The following EIF2B3 variants were observed in gnomAD, a reference collection of about 807,000 sequenced individuals.
The protein encoded by EIF2B3 is eukaryotic translation initiation factor 2B subunit gamma, also known as translation initiation factor eIF2B subunit gamma.
Under a neutral mutation model 54.1 loss-of-function variants are expected in EIF2B3, and 20 were observed. The observed-to-expected ratio is 0.37, with a 90% CI of 0.26 to 0.54. EIF2B3 has a LOEUF of 0.54. Ranked by LOEUF, EIF2B3 falls within the 20% of genes least tolerant of loss-of-function variation. The pLI, the probability that EIF2B3 is intolerant of heterozygous loss-of-function variation, is 0.86. For missense variants in EIF2B3, 448 were observed against 547.8 expected (o/e 0.82, Z 1.82); for synonymous variants, 153 against 188.1 (o/e 0.81, Z 1.52).
chr1:44,910,730 C>T (rs1303153235), intron 5 of EIF2B3, among the ~76,000 whole-genome samples: 2 of 150,320 alleles, frequency 1.3e-5, no homozygotes, highest in Admixed American at 1.3e-4. Flanking sequence ...ATCCTTCCAC[C>T]TCAGCCTCCT....
At chr1:44,884,491 G>GT (rs1338024671) in intron 6 of EIF2B3, among the ~76,000 whole-genome samples, 6 of 152,192 alleles carry the variant, frequency 3.9e-5, no homozygotes, top group Non-Finnish European at 8.8e-5. Flanking sequence ...ACAGTTCATA[G>GT]TTTCTGCAAT....
chr1:44,928,019 G>A (rs1397792122), intron 4 of EIF2B3, among the ~76,000 whole-genome samples: 1 of 152,000 alleles, frequency 6.6e-6, no homozygotes, highest in East Asian at 1.9e-4. Flanking sequence ...AAAATTAGCT[G>A]GGCATGGTGG....
rs370216591 is a variant in EIF2B3 at position 44,965,308 on chromosome 1, G to C, written c.294+13007C>G. Among the ~76,000 whole-genome samples the C allele has an allele frequency of 3.2e-4, 48 of 152,232 alleles. 1 individual carries two copies. The highest frequency in any genetic ancestry group is 1.2e-3 in the African/African-American group (48 of 41,536). ...AACCACTGAATTGTACACTTTAAAAGAGTTCTATACATACATACAACTATC... is the reference window on the plus strand; with the variant it reads ...AACCACTGAATTGTACACTTTAAAACAGTTCTATACATACATACAACTATC... On this transcript the variant is annotated intron_variant, in intron 3 of 11. Coordinates refer to ENST00000360403, the MANE Select transcript of EIF2B3 (RefSeq NM_020365.5).
intron 4 of EIF2B3, among the ~76,000 whole-genome samples, chr1:44,935,043 T>C (rs1321014621): frequency 1.3e-5 from 2 of 152,232 alleles, no homozygotes; most frequent in Non-Finnish European, 2.9e-5. Context: ...CTGAAGTACA[T>C]TAACATGTAC....
intron 6 of EIF2B3, among the ~76,000 whole-genome samples, chr1:44,896,483 G>A (rs2148914084): frequency 6.6e-6 from 1 of 152,306 alleles, no homozygotes; most frequent in East Asian, 1.9e-4. Context: ...CAAAGGCAGA[G>A]CTAGCATTTA....
At chr1:44,950,433 C>A (rs143928992) in intron 3 of EIF2B3, among the ~76,000 whole-genome samples, 1 of 151,530 alleles carries the variant, frequency 6.6e-6, no homozygotes, top group Admixed American at 6.6e-5. Flanking sequence ...AAAAAACAAA[C>A]AAACAAAACA....
chr1:44,904,394 A>G (rs1643374668), intron 5 of EIF2B3, among the ~76,000 whole-genome samples: 1 of 152,262 alleles, frequency 6.6e-6, no homozygotes, highest in African/African-American at 2.4e-5. Flanking sequence ...ACCAGAGATA[A>G]CAATTCAGAT....
chr1:44,875,537 G>A, intron 9 of EIF2B3, 81 bp downstream of exon 9: 1 of 1,323,732 alleles, frequency 7.6e-7, no homozygotes, highest in Non-Finnish European at 1.1e-6. Context: ...GGACTTAAAG[G>A]CCTCAATCCG....
At chr1:44,919,129 C>G (rs1283027379) in intron 5 of EIF2B3, among the ~76,000 whole-genome samples, 1 of 152,106 alleles carries the variant, frequency 6.6e-6, no homozygotes, top group Non-Finnish European at 1.5e-5. Flanking sequence ...GGGTGGATCA[C>G]TTGAGGTCAG....
chr1:44,956,240 C>T (rs1041381820), intron 3 of EIF2B3, among the ~76,000 whole-genome samples: 4 of 152,100 alleles, frequency 2.6e-5, no homozygotes, highest in Non-Finnish European at 5.9e-5. Flanking sequence ...TGGAAACCAT[C>T]ATTCTTAGCA....
chr1:44,892,257 T>G, intron 6 of EIF2B3, among the ~76,000 whole-genome samples: 1 of 152,124 alleles, frequency 6.6e-6, no homozygotes, highest in Non-Finnish European at 1.5e-5. Context: ...TCTTTACCCA[T>G]AAACACACAG....
chr1:44,876,067 G>C (rs1016628983), intron 8 of EIF2B3, among the ~76,000 whole-genome samples: 2 of 152,244 alleles, frequency 1.3e-5, no homozygotes, highest in African/African-American at 4.8e-5. Context: ...ATTGCAGACG[G>C]AGTCTGGTTC....
intron 5 of EIF2B3, among the ~76,000 whole-genome samples, chr1:44,914,107 G>A (rs1167011134): frequency 1.3e-5 from 2 of 149,474 alleles, no homozygotes; most frequent in African/African-American, 5.0e-5. Flanking sequence ...GACATTAGTG[G>A]TGTGAGCCAC....
At chr1:44,922,836 ATTTT>A (rs386366852) in intron 5 of EIF2B3, among the ~76,000 whole-genome samples, 26 of 56,648 alleles carry the variant, frequency 4.6e-4, no homozygotes, top group Non-Finnish European at 5.4e-4. Context: ...TCTTTTTCAG[ATTTT>A]TTTTTTTTTT....
intron 5 of EIF2B3, among the ~76,000 whole-genome samples, chr1:44,913,501 GAA>G (rs112520282): frequency 2.1e-5 from 3 of 143,720 alleles, no homozygotes; most frequent in African/African-American, 2.5e-5. Context: ...TGTTTTAATG[GAA>G]AAAAAAAAAA....
At chr1:44,882,755 C>T (rs528400078) in intron 6 of EIF2B3, among the ~76,000 whole-genome samples, 56 of 151,866 alleles carry the variant, frequency 3.7e-4, no homozygotes, top group East Asian at 3.5e-3. Flanking sequence ...GCTGGGACTA[C>T]AGGCACATGC....
chr1:44,942,460 C>A (rs1644046115), intron 3 of EIF2B3, among the ~76,000 whole-genome samples: 1 of 93,746 alleles, frequency 1.1e-5, no homozygotes, highest in Non-Finnish European at 2.0e-5. Flanking sequence ...CAGGGTCTTA[C>A]TCTGTCACCT....
intron 3 of EIF2B3, chr1:44,958,776 G>C: frequency 6.8e-7 from 1 of 1,481,194 alleles, no homozygotes; most frequent in South Asian, 1.1e-5. Context: ...GAAATATAAA[G>C]CTATGGTATT....
chr1:44,965,886 C>T (rs1466182943), intron 3 of EIF2B3, among the ~76,000 whole-genome samples: 2 of 151,850 alleles, frequency 1.3e-5, no homozygotes, highest in East Asian at 1.9e-4. Context: ...GTGATACACC[C>T]GCCTCAGCCT....
Sources: allele counts gnomAD v4.1 joint callset (sites outside exome capture counted in the v4.1 genomes callset), GRCh38; gene constraint gnomAD v4.1.1; transcripts MANE v1.5; gene names NCBI Gene and HGNC (gene_info 2026-07-23, HGNC 2026-07-21).